AMDHD1: variants seen among roughly 807,000 people sequenced by gnomAD.
The protein encoded by AMDHD1 is probable imidazolonepropionase.
Under a neutral mutation model 44.1 loss-of-function variants are expected in AMDHD1, and 45 were observed. The observed-to-expected ratio is 1.02, with a 90% CI of 0.80 to 1.31. The LOEUF (loss-of-function observed/expected upper bound fraction) is 1.31. Ranked by LOEUF, AMDHD1 falls within the 50% of genes most tolerant of loss-of-function variation. AMDHD1 has a pLI of 0.00. For missense variants in AMDHD1, 586 were observed against 552.1 expected (o/e 1.06, Z -0.61); for synonymous variants, 206 against 205.0 (o/e 1.00, Z -0.04).
intron 1 of AMDHD1, among the ~76,000 whole-genome samples, chr12:95,950,744 A>C (rs894918261): frequency 6.6e-6 from 1 of 152,160 alleles, no homozygotes; most frequent in Non-Finnish European, 1.5e-5. Context: ...GCCAGTAAGA[A>C]TAGGAAGAGA....
At chr12:95,955,074 A>G (rs1263999023) in intron 3 of AMDHD1, 99 bp downstream of exon 3, 1 of 1,140,522 alleles carries the variant, frequency 8.8e-7, no homozygotes, top group Non-Finnish European at 1.3e-6. Context: ...ATATGTCAAC[A>G]TATTTTTTAA....
chr12:95,956,920 T>C lies in AMDHD1; in HGVS notation c.545T>C (p.Ile182Thr), dbSNP rs538501874. 32 of 1,612,706 alleles carry C rather than the reference T, an allele frequency of 2.0e-5. No homozygotes were observed. The South Asian group carries it at 3.3e-4, about 17-fold the overall frequency. Residue 182 changes from isoleucine (I) to threonine (T), a missense_variant, in exon 4 of 9, where the codon ATC becomes ACC. By Grantham distance (89) the Ile-to-Thr change is moderately conservative. Transcript: ENST00000266736. ...GAGCGCGCCCGGCGGGAGCTGGACA[T>C]CGGCATCTCGGCTACCTACTGCGGG... ...VIERARRELDIGISATYCGAH... is the reference protein window; with the variant it reads ...VIERARRELDTGISATYCGAH...
At chr12:95,966,695 C>T (rs10507068) in intron 8 of AMDHD1, among the ~76,000 whole-genome samples, 187 bp downstream of exon 8, 8,539 of 152,236 alleles carry the variant, frequency 0.056, 374 homozygotes, top group South Asian at 0.19. Context: ...CAGGGTAGAC[C>T]AAGTTTTCAA....
intron 3 of AMDHD1, among the ~76,000 whole-genome samples, chr12:95,956,437 C>A (rs544596322): frequency 2.9e-4 from 44 of 152,262 alleles, no homozygotes; most frequent in African/African-American, 1.0e-3. Flanking sequence ...ACAGGCCACC[C>A]ACCACATCTC....
intron 6 of AMDHD1, among the ~76,000 whole-genome samples, chr12:95,963,533 T>C (rs2080593794): frequency 6.6e-6 from 1 of 152,234 alleles, no homozygotes; most frequent in Non-Finnish European, 1.5e-5. Flanking sequence ...TATGCACATG[T>C]ATGATATTAT....
chr12:95,966,328 C>CTTTTCTCTTCCTGCCT lies in AMDHD1; in HGVS notation c.1033-18_1033-3dup. ...TGCCATATGTCACTTTCCTCCAACA[C>CTTTTCTCTTCCTGCCT]TTTTCTCTTCCTGCCTTAGCCAATG... is the stretch of plus-strand genomic sequence containing the variant. On this transcript the variant is annotated intron_variant, in intron 7 of 8. Coordinates refer to ENST00000266736, the MANE Select transcript of AMDHD1 (RefSeq NM_152435.3). The CTTTTCTCTTCCTGCCT allele has an allele frequency of 2.5e-6, 4 of 1,612,268 alleles. No homozygotes were observed. Among genetic ancestry groups the CTTTTCTCTTCCTGCCT allele is most frequent in the Non-Finnish European group, 3.4e-6 (4 of 1,178,564 alleles).
rs1187425055 is a variant in AMDHD1 at position 95,949,165 on chromosome 12, A to G, written c.138-3552A>G. On this transcript the variant is annotated intron_variant, in intron 1 of 8. Transcript: ENST00000266736. ...TAAAAAAAAAAAAAAAAAAAGAAAA[A>G]AAAAAAAAAAAAAGAGACTGCACAG... Among the ~76,000 whole-genome samples the G allele has an allele frequency of 1.0e-4, 2 of 19,076 alleles. 1 individual carries two copies. The highest frequency in any genetic ancestry group is 1.7e-4 in the Non-Finnish European group (2 of 12,064). 12.5% of individuals were successfully genotyped at this position (19,076 alleles called of 152,430 possible).
chr12:95,943,350 CGGTGG>C lies in AMDHD1; in HGVS notation c.-48_-44del. On this transcript the variant is annotated 5_prime_UTR_variant, in exon 1 of 9. Transcript: ENST00000266736. Reference sequence around the variant, plus strand: ...CTTTTCGTCCTCCACTGAGTCCTGCCGGTGGCCCGAGCCCGGTGGCCTCCCGGCGA... The same window carrying C: ...CTTTTCGTCCTCCACTGAGTCCTGCCCCCGAGCCCGGTGGCCTCCCGGCGA... 1 of 1,437,414 alleles carries C rather than the reference CGGTGG, an allele frequency of 7.0e-7. No homozygotes were observed. The allele number at this position is 1,437,414 out of a possible 1,614,324, so 89.0% of individuals were successfully genotyped here. A position where few individuals can be genotyped will look rare whatever the true frequency, so the allele number is the denominator to read the frequency against.
intron 5 of AMDHD1, among the ~76,000 whole-genome samples, chr12:95,961,573 A>G (rs1381258047): frequency 6.6e-6 from 1 of 152,238 alleles, no homozygotes; most frequent in Non-Finnish European, 1.5e-5. Context: ...TAACTGGCTT[A>G]TATCCAGCTT....
chr12:95,953,773 G>T (rs996951068), intron 2 of AMDHD1, among the ~76,000 whole-genome samples: 5 of 152,156 alleles, frequency 3.3e-5, no homozygotes, highest in Non-Finnish European at 7.4e-5. Flanking sequence ...TAGCAACAGG[G>T]TTTCACCATG....
Position 95,956,908 on chromosome 12 carries a change from G to GC in AMDHD1, c.533_534insC (p.Glu179GlyfsTer18). 1.2e-6 allele frequency: 2 copies of GC among 1,613,186 alleles called. No homozygotes were observed. Among genetic ancestry groups the GC allele is most frequent in the Non-Finnish European group, 1.7e-6 (2 of 1,179,988 alleles). ...CTGCGCGTGATTGAGCGCGCCCGGC[G>GC]GGAGCTGGACATCGGCATCTCGGCT... On this transcript the variant is annotated frameshift_variant, in exon 4 of 9. Transcript: ENST00000266736. LOFTEE classifies it high-confidence loss of function.
intron 7 of AMDHD1, 100 bp downstream of exon 7, chr12:95,965,879 TA>T: frequency 1.2e-6 from 1 of 838,294 alleles, no homozygotes; most frequent in East Asian, 3.0e-5. Context: ...ATAAAAAATC[TA>T]AAAATATTTT....
At chr12:95,947,674 C>T (rs1258058535) in intron 1 of AMDHD1, among the ~76,000 whole-genome samples, 1 of 50,988 alleles carries the variant, frequency 2.0e-5, no homozygotes, top group Non-Finnish European at 3.3e-5. Flanking sequence ...AGGTGAGGGG[C>T]GCCTCTGCCC....
chr12:95,963,950 AC>A (rs2080595870), intron 6 of AMDHD1, among the ~76,000 whole-genome samples: 1 of 149,332 alleles, frequency 6.7e-6, no homozygotes, highest in Non-Finnish European at 1.5e-5. Context: ...AATCCCTTGA[AC>A]CCAGGAGGGA....
intron 4 of AMDHD1, 29 bp downstream of exon 4, chr12:95,956,991 T>G (rs1422680517): frequency 3.1e-6 from 5 of 1,610,304 alleles, no homozygotes; most frequent in Non-Finnish European, 4.2e-6. Context: ...GGCCCGGGTT[T>G]AACTCAGAGC....
At chr12:95,944,628 G>A (rs2080485634) in intron 1 of AMDHD1, among the ~76,000 whole-genome samples, 1 of 151,978 alleles carries the variant, frequency 6.6e-6, no homozygotes, top group Admixed American at 6.6e-5. Flanking sequence ...TGTTGCCCAG[G>A]CTGGTCTTGA....
intron 4 of AMDHD1, among the ~76,000 whole-genome samples, 158 bp from the exon 5 acceptor site, chr12:95,960,240 A>C (rs1478738977): frequency 6.6e-6 from 1 of 152,204 alleles, no homozygotes; most frequent in Non-Finnish European, 1.5e-5. Context: ...CCCAATAGTT[A>C]AGAGCCCATA....
intron 8 of AMDHD1, among the ~76,000 whole-genome samples, chr12:95,967,342 C>T (rs1410120764): frequency 1.3e-5 from 2 of 152,202 alleles, no homozygotes; most frequent in African/African-American, 4.8e-5. Context: ...AGCAGCAAAC[C>T]ATATCAGGGT....
chr12:95,954,656 T>C (rs1205883524), intron 2 of AMDHD1, among the ~76,000 whole-genome samples: 1 of 152,074 alleles, frequency 6.6e-6, no homozygotes, highest in African/African-American at 2.4e-5. Flanking sequence ...GGAGCTGTAT[T>C]TCTGTAAGGG....
Sources: gnomAD v4.1 joint callset for allele counts (sites outside exome capture counted in the v4.1 genomes callset) on GRCh38, gnomAD v4.1.1 for gene constraint, MANE v1.5 for transcripts, NCBI Gene and HGNC (gene_info 2026-07-23, HGNC 2026-07-21) for gene names.